The following JADE2 variants were observed in gnomAD, a reference collection of about 807,000 sequenced individuals.
JADE2 encodes the protein jade family PHD finger 2, also known as E3 ubiquitin-protein ligase Jade-2.
Under a neutral mutation model 85.7 loss-of-function variants are expected in JADE2, and 13 were observed. The observed-to-expected ratio is 0.15, with a 90% confidence interval of 0.10 to 0.24. The LOEUF is 0.24. Ranked by LOEUF, JADE2 falls within the 10% of genes least tolerant of loss-of-function variation. The pLI, the probability that JADE2 is intolerant of heterozygous loss-of-function variation, is 1.00. For synonymous variants in JADE2, 440 were observed against 456.1 expected, an observed-to-expected ratio of 0.96 and a Z score of 0.45; for missense variants, 846 against 1,115.9, an observed-to-expected ratio of 0.76 and a Z score of 3.45.
chr5:134,539,042 A>AT (rs1342785306), intron 3 of JADE2, among the ~76,000 whole-genome samples: 7 of 57,482 alleles, frequency 1.2e-4, no homozygotes, highest in Non-Finnish European at 2.6e-4. Flanking sequence ...TTTTATTTTT[A>AT]TTTTATTTAT....
intron 6 of JADE2, among the ~76,000 whole-genome samples, chr5:134,561,410 C>T (rs1178232189): frequency 1.3e-5 from 2 of 152,218 alleles, no homozygotes. Flanking sequence ...TGGATTGTTG[C>T]ACGGATTAAA....
chr5:134,540,052 T>G, intron 3 of JADE2, among the ~76,000 whole-genome samples: 1 of 149,212 alleles, frequency 6.7e-6, no homozygotes, highest in Admixed American at 6.7e-5. Context: ...GAGGTGGAGG[T>G]GGGGGTGGGA....
At position 134,562,148 on chromosome 5, in the gene JADE2, A is replaced by T; in HGVS notation, c.685-52A>T. The T allele has an allele frequency of 6.5e-7, 1 of 1,541,070 alleles. No individual in the cohort carries two copies. Among genetic ancestry groups the T allele is most frequent in the Non-Finnish European group, 8.8e-7 (1 of 1,137,714 alleles). Reference sequence around the variant, plus strand: ...GACCAAATGCAGCTGACTGCTGACCAGACACAGATTGGCCAGTTCCGCTGA... The same window carrying T: ...GACCAAATGCAGCTGACTGCTGACCTGACACAGATTGGCCAGTTCCGCTGA... On this transcript the variant is annotated intron_variant, in intron 6 of 11. Coordinates refer to ENST00000681547, the MANE Select transcript of JADE2 (RefSeq NM_001388185.1). The surrounding 1 kb of genome is among the most constrained non-coding windows in gnomAD (Gnocchi z 4.6).
chr5:134,526,097 G>A, intron 1 of JADE2, 86 bp downstream of exon 1: 1 of 983,914 alleles, frequency 1.0e-6, no homozygotes, highest in Non-Finnish European at 1.2e-6. Flanking sequence ...AGCGCTCTTC[G>A]CTCCCTCGCT....
chr5:134,540,281 C>T (rs1386100577), intron 3 of JADE2, among the ~76,000 whole-genome samples: 1 of 151,800 alleles, frequency 6.6e-6, no homozygotes, highest in African/African-American at 2.4e-5. Flanking sequence ...TGCAGTGGTG[C>T]AATCATGGCT....
rs771019332 is a variant in JADE2, at chr5:134,538,028, T to G, written c.98T>G (p.Leu33Arg). 1 of 1,614,138 alleles carries G rather than the reference T, an allele frequency of 6.2e-7. No individual in the cohort carries two copies. The highest frequency in any genetic ancestry group is 2.2e-5 in the East Asian group (1 of 44,866). The change falls in exon 3 of 12, where the codon CTG becomes CGG. Residue 33 changes from leucine (L) to arginine (R), a missense_variant. Physicochemically the swap from Leu to Arg is moderately radical, Grantham distance 102. Transcript: ENST00000681547. ...TSTSASRCSK[L>R]PSSTKSGWPR... ...ACATCCGCATCAAGATGCTCCAAAC[T>G]GCCCAGCAGCACCAAGTCGGGCTGG...
Position 134,564,483 on chromosome 5 carries a change from G to T in JADE2, c.853-11G>T. The T allele has an allele frequency of 6.4e-7, 1 of 1,571,780 alleles. No individual in the cohort carries two copies. The highest frequency in any genetic ancestry group is 8.7e-7 in the Non-Finnish European group (1 of 1,155,738). ...TGAGAGGAATGATGCAGCCCCCTGT[G>T]TCCTGCCCAGGTCAGCATCGGCTGC... is the stretch of plus-strand genomic sequence containing the variant. On this transcript the variant is annotated splice_polypyrimidine_tract_variant and intron_variant, in intron 7 of 11. Coordinates refer to ENST00000681547, the MANE Select transcript of JADE2 (RefSeq NM_001388185.1).
upstream of JADE2, among the ~76,000 whole-genome samples, chr5:134,524,117 G>A (rs969132748): frequency 1.1e-4 from 16 of 152,206 alleles, no homozygotes; most frequent in African/African-American, 3.6e-4. Context: ...CGATGCTTTG[G>A]GGATGTTGGG....
intron 4 of JADE2, among the ~76,000 whole-genome samples, chr5:134,552,576 G>T (rs560666827): frequency 6.6e-6 from 1 of 152,218 alleles, no homozygotes; most frequent in Admixed American, 6.5e-5. Context: ...ATAATGGAAT[G>T]AAATGACGCA....
chr5:134,531,899 T>C (rs1160214322), intron 1 of JADE2, among the ~76,000 whole-genome samples: 2 of 134,000 alleles, frequency 1.5e-5, no homozygotes, highest in African/African-American at 5.6e-5. Flanking sequence ...TTTTTTTTTT[T>C]TTTTTTTTTT....
chr5:134,533,466 G>T, intron 1 of JADE2: 1 of 882,140 alleles, frequency 1.1e-6, no homozygotes, highest in South Asian at 5.2e-5. Flanking sequence ...GAGGAGAGGA[G>T]CTAGGATTTG....
intron 2 of JADE2, among the ~76,000 whole-genome samples, chr5:134,537,532 A>T (rs539705716): frequency 6.6e-6 from 1 of 152,326 alleles, no homozygotes; most frequent in African/African-American, 2.4e-5. Flanking sequence ...TGGCTGGGTC[A>T]GGGCTCTGCT....
chr5:134,575,029 C>G (rs954603713), intron 10 of JADE2: 4 of 152,304 alleles, frequency 2.6e-5, no homozygotes, highest in Non-Finnish European at 5.9e-5. Flanking sequence ...GTTGAGGAAG[C>G]AGAGGGTGGC....
intron 1 of JADE2, chr5:134,526,791 G>A: frequency 1.0e-6 from 1 of 983,000 alleles, no homozygotes; most frequent in Non-Finnish European, 1.2e-6. Context: ...CTCGGCGCCA[G>A]GGGTGAGGAC....
chr5:134,526,127 C>T (rs192715428), intron 1 of JADE2, 116 bp downstream of exon 1: 1 of 985,470 alleles, frequency 1.0e-6, no homozygotes, highest in Non-Finnish European at 1.2e-6. Context: ...TCGCTCGCTC[C>T]CTCTCTCTCC....
rs1038962717 is a variant in JADE2 at position 134,562,586 on chromosome 5, A to G, written c.852+219A>G. Among the ~76,000 whole-genome samples the G allele has an allele frequency of 6.6e-6, 1 of 152,170 alleles. No individual in the cohort carries two copies. Among genetic ancestry groups the G allele is most frequent in the Non-Finnish European group, 1.5e-5 (1 of 68,024 alleles). ...TCAGGCATTCAAGACCAGCCTGGCC[A>G]ACATAGCAAAACCCCCTCTCTACAA... On this transcript the variant is annotated intron_variant, in intron 7 of 11. Transcript: ENST00000681547. The surrounding 1 kb of genome is among the most constrained non-coding windows in gnomAD (Gnocchi z 4.6).
At chr5:134,551,334 T>A (rs1762580836) in intron 3 of JADE2, among the ~76,000 whole-genome samples, 1 of 152,096 alleles carries the variant, frequency 6.6e-6, no homozygotes, top group Admixed American at 6.6e-5. Context: ...GCTCAAGCAA[T>A]CCTTCCACCT....
At chr5:134,565,239 A>G (rs1763565545) in intron 8 of JADE2, among the ~76,000 whole-genome samples, 1 of 152,174 alleles carries the variant, frequency 6.6e-6, no homozygotes, top group Non-Finnish European at 1.5e-5. Flanking sequence ...TCTTTTAGGA[A>G]CAGAGTTGTC....
intron 8 of JADE2, among the ~76,000 whole-genome samples, chr5:134,564,933 C>T (rs534652694): frequency 5.3e-5 from 8 of 152,284 alleles, no homozygotes; most frequent in South Asian, 2.1e-4. Flanking sequence ...TTGAATTTGA[C>T]GCGTTAGGGG....
Sources: gnomAD v4.1 joint callset for allele counts (sites outside exome capture counted in the v4.1 genomes callset) on GRCh38, gnomAD v4.1.1 for gene constraint, Gnocchi (gnomAD v3.1) non-coding constraint, MANE v1.5 for transcripts, NCBI Gene and HGNC (gene_info 2026-07-23, HGNC 2026-07-21) for gene names.